TMEM154: variants seen among roughly 807,000 people sequenced by gnomAD.
TMEM154 encodes the protein transmembrane protein 154.
In TMEM154, 27 loss-of-function variants were observed where a neutral mutation model predicts 24.5. The ratio of observed to expected loss-of-function variants is 1.10; its 90% confidence interval spans 0.81 to 1.52. The LOEUF is 1.52. TMEM154 is among the 40% of genes most tolerant of loss of function. The probability of loss-of-function intolerance (pLI) is 0.00; values close to 1 mark genes in which losing one functional copy is unlikely to be tolerated. For missense variants in TMEM154, 228 were observed against 213.4 expected, an observed-to-expected ratio of 1.07 and a Z score of -0.43; for synonymous variants, 67 against 76.8, an observed-to-expected ratio of 0.87 and a Z score of 0.67.
intron 3 of TMEM154, among the ~76,000 whole-genome samples, chr4:152,647,540 GT>G (rs1033318315): frequency 2.0e-5 from 3 of 151,782 alleles, no homozygotes; most frequent in African/African-American, 7.3e-5. Flanking sequence ...TTTCTCTGTT[GT>G]TTTTTTTAAA....
In TMEM154 at chr4:152,643,188, C is replaced by G. The variant is rs1408403269; in HGVS notation, c.393-15G>C. ...CAAAAATAGGGCTAGAAATAGAGAG[C>G]AAAAGACTTGTTAGAAAGAAATGTG... On this transcript the variant is annotated splice_polypyrimidine_tract_variant and intron_variant, in intron 4 of 6. Coordinates refer to ENST00000304385, the MANE Select transcript of TMEM154 (RefSeq NM_152680.3). 6.4e-7 allele frequency: 1 copy of G among 1,562,246 alleles called. No homozygotes were observed. The highest frequency in any genetic ancestry group is 8.7e-7 in the Non-Finnish European group (1 of 1,146,914).
chr4:152,647,976 T>C (rs1561049797), intron 3 of TMEM154, among the ~76,000 whole-genome samples: 1 of 151,804 alleles, frequency 6.6e-6, no homozygotes, highest in African/African-American at 2.4e-5. Flanking sequence ...ACAAGACAAA[T>C]AAGACTAGCT....
intron 1 of TMEM154, among the ~76,000 whole-genome samples, chr4:152,678,135 G>A (rs983298721): frequency 6.6e-6 from 1 of 152,062 alleles, no homozygotes; most frequent in Admixed American, 6.5e-5. Context: ...GGAGGGGGAC[G>A]ACAACTGGAA....
intron 1 of TMEM154, among the ~76,000 whole-genome samples, chr4:152,661,430 C>T (rs1728610714): frequency 6.6e-6 from 1 of 151,768 alleles, no homozygotes. Flanking sequence ...CTAGGATACA[C>T]ATGTGCTATC....
Position 152,628,318 on chromosome 4 carries a change from G to T in TMEM154, c.*228C>A. The T allele has an allele frequency of 2.9e-6, 2 of 698,036 alleles. No homozygotes were observed. Among genetic ancestry groups the T allele is most frequent in the Non-Finnish European group, 4.8e-6 (2 of 417,724 alleles). 43.2% of individuals were successfully genotyped at this position (698,036 alleles called of 1,614,324 possible). On this transcript the variant is annotated 3_prime_UTR_variant, in exon 7 of 7. Coordinates refer to ENST00000304385, the MANE Select transcript of TMEM154 (RefSeq NM_152680.3). ...CTCCTTCTCCACCCTCAGAGGCAGC[G>T]ATGGATGGCAGCCAGGCCTTTTCCT...
At chr4:152,676,892 G>A (rs1047145110) in intron 1 of TMEM154, among the ~76,000 whole-genome samples, 2 of 152,084 alleles carry the variant, frequency 1.3e-5, no homozygotes, top group Non-Finnish European at 2.9e-5. Context: ...CTGCCTCATG[G>A]CCTTCAGCTC....
intron 5 of TMEM154, among the ~76,000 whole-genome samples, chr4:152,641,661 C>CTTT (rs5863014): frequency 3.2e-5 from 4 of 126,942 alleles, no homozygotes; most frequent in African/African-American, 8.8e-5. Context: ...TTTCTTCTAC[C>CTTT]TTTTTTTTTT....
intron 1 of TMEM154, chr4:152,666,828 G>A (rs1471546020): frequency 6.6e-6 from 1 of 152,274 alleles, no homozygotes; most frequent in African/African-American, 2.4e-5. Context: ...CCAAGTGGAT[G>A]GATGACACCA....
Position 152,628,519 on chromosome 4 carries a change from C to G in TMEM154, c.*27G>C, listed in dbSNP as rs777625439. On this transcript the variant is annotated 3_prime_UTR_variant, in exon 7 of 7. Transcript: ENST00000304385. ...GCAGACTCCCTCAGGGGCTGCTTCTCTTGGAAAACATGAGCGCCATTCAGG... is the reference window on the plus strand; with the variant it reads ...GCAGACTCCCTCAGGGGCTGCTTCTGTTGGAAAACATGAGCGCCATTCAGG... The G allele has an allele frequency of 1.4e-5, 19 of 1,341,948 alleles. No homozygotes were observed. The highest frequency in any genetic ancestry group is 2.2e-4 in the Middle Eastern group (1 of 4,584). The allele number at this position is 1,341,948 out of a possible 1,614,324, so 83.1% of individuals were successfully genotyped here.
At chr4:152,631,230 A>G (rs1028852497) in intron 6 of TMEM154, among the ~76,000 whole-genome samples, 6 of 152,244 alleles carry the variant, frequency 3.9e-5, no homozygotes, top group African/African-American at 1.4e-4. Flanking sequence ...TTAGGGAACT[A>G]TCCTTTTCCC....
chr4:152,631,273 TC>T (rs958980588), intron 6 of TMEM154, among the ~76,000 whole-genome samples: 2 of 152,232 alleles, frequency 1.3e-5, no homozygotes, highest in African/African-American at 4.8e-5. Flanking sequence ...ATTATTATTT[TC>T]TTTTTTTGTG....
rs1349536335 is a variant in TMEM154 at position 152,625,107 on chromosome 4, T to G, written c.*3439A>C. ...TCAACATAAGGCCTTTTTTCAGAGA[T>G]GGTGTGAATTAATAGTTTAAACCAC... On this transcript the variant is annotated 3_prime_UTR_variant, in exon 7 of 7. Transcript: ENST00000304385. 2.0e-5 allele frequency: 3 copies of G among 152,208 alleles called. No individual in the cohort carries two copies. The highest frequency in any genetic ancestry group is 7.2e-5 in the African/African-American group (3 of 41,456). 9.4% of individuals were successfully genotyped at this position (152,208 alleles called of 1,614,324 possible). A position where few individuals can be genotyped will look rare whatever the true frequency, so the allele number is the denominator to read the frequency against.
chr4:152,647,773 G>C (rs932675563), intron 3 of TMEM154, among the ~76,000 whole-genome samples: 1 of 152,186 alleles, frequency 6.6e-6, no homozygotes, highest in African/African-American at 2.4e-5. Flanking sequence ...CTTATGCCAG[G>C]TACTGATTTT....
At chr4:152,657,512 T>TAAAAAG (rs1383355037) in intron 1 of TMEM154, among the ~76,000 whole-genome samples, 2 of 152,082 alleles carry the variant, frequency 1.3e-5, no homozygotes, top group South Asian at 4.1e-4. Flanking sequence ...AGATCCTGCC[T>TAAAAAG]AAAAAGAAAA....
At chr4:152,645,934 TAC>T (rs10545647) in intron 3 of TMEM154, among the ~76,000 whole-genome samples, 41,683 of 140,148 alleles carry the variant, frequency 0.3, 6,089 homozygotes, top group South Asian at 0.46. Context: ...GAAAGGAGAA[TAC>T]ACACACACAC....
chr4:152,671,901 T>C (rs1354007142), intron 1 of TMEM154, among the ~76,000 whole-genome samples: 3 of 151,102 alleles, frequency 2.0e-5, no homozygotes, highest in Non-Finnish European at 4.4e-5. Flanking sequence ...AAATACCAGG[T>C]TGGGCAGATA....
Position 152,628,423 on chromosome 4 carries a change from A to T in TMEM154, c.*123T>A. 1 of 1,490,396 alleles carries T rather than the reference A, an allele frequency of 6.7e-7. No individual in the cohort carries two copies. The highest frequency in any genetic ancestry group is 9.2e-7 in the Non-Finnish European group (1 of 1,083,766). The allele number at this position is 1,490,396 out of a possible 1,614,324, so 92.3% of individuals were successfully genotyped here. Reference sequence around the variant, plus strand: ...AGTGGGCGTTGGAAGAAACAGCAAAAGGTTCTTGTGTCTATGTTGATTTGA... The same window carrying T: ...AGTGGGCGTTGGAAGAAACAGCAAATGGTTCTTGTGTCTATGTTGATTTGA... On this transcript the variant is annotated 3_prime_UTR_variant, in exon 7 of 7. Transcript: ENST00000304385.
chr4:152,656,110 C>T (rs1228907665), intron 1 of TMEM154, among the ~76,000 whole-genome samples: 2 of 152,158 alleles, frequency 1.3e-5, no homozygotes, highest in Non-Finnish European at 2.9e-5. Context: ...CATGTACCAG[C>T]TACAGGCCTG....
At chr4:152,672,419 A>G (rs1408283660) in intron 1 of TMEM154, among the ~76,000 whole-genome samples, 1 of 152,256 alleles carries the variant, frequency 6.6e-6, no homozygotes, top group South Asian at 2.1e-4. Context: ...AGCATCGTGA[A>G]GATCAAGGAT....
Sources: gnomAD v4.1 joint callset for allele counts (sites outside exome capture counted in the v4.1 genomes callset) on GRCh38, gnomAD v4.1.1 for gene constraint, MANE v1.5 for transcripts, NCBI Gene and HGNC (gene_info 2026-07-23, HGNC 2026-07-21) for gene names.